ATG10: variants seen among roughly 807,000 people sequenced by gnomAD.
ATG10 encodes the protein ubiquitin-like-conjugating enzyme ATG10.
ATG10 carries 30 observed loss-of-function variants against 32.1 expected under a neutral mutation model. That is an observed-to-expected ratio of 0.94 (90% CI 0.70 to 1.27). ATG10 has a LOEUF of 1.27. ATG10 is among the 50% of genes most tolerant of loss of function. The pLI, the probability that ATG10 is intolerant of heterozygous loss-of-function variation, is 0.00. For synonymous variants in ATG10, 87 were observed against 91.5 expected, an observed-to-expected ratio of 0.95 and a Z score of 0.28; for missense variants, 233 against 262.3, an observed-to-expected ratio of 0.89 and a Z score of 0.77.
Position 82,190,827 on chromosome 5 carries a change from T to C in ATG10, c.453+12240T>C, listed in dbSNP as rs183124220. Among the ~76,000 whole-genome samples the C allele has an allele frequency of 2.6e-4, 32 of 124,778 alleles. No individual in the cohort carries two copies. In the East Asian group the frequency reaches 7.3e-3, roughly 29 times the overall value. The allele number at this position is 124,778 out of a possible 152,430, so 81.9% of individuals were successfully genotyped here. A position where few individuals can be genotyped will look rare whatever the true frequency, so the allele number is the denominator to read the frequency against. On this transcript the variant is annotated intron_variant, in intron 5 of 7. Transcript: ENST00000282185. ...AAATGGGGAGAATTCCATTGTAAGG[T>C]AAGGTCGTAATTGTTTTAACCAATT...
intron 5 of ATG10, among the ~76,000 whole-genome samples, chr5:82,187,327 A>T (rs1336347091): frequency 6.6e-6 from 1 of 151,852 alleles, no homozygotes. Context: ...CCTGGCTAAC[A>T]TGGGGAAACC....
At chr5:82,068,915 C>T (rs1236265270) in intron 3 of ATG10, among the ~76,000 whole-genome samples, 1 of 147,322 alleles carries the variant, frequency 6.8e-6, no homozygotes, top group East Asian at 1.9e-4. Context: ...TCTTTTCTGC[C>T]CCTTTGATTT....
chr5:81,983,854 C>T (rs2149661696), intron 1 of ATG10, among the ~76,000 whole-genome samples: 1 of 152,152 alleles, frequency 6.6e-6, no homozygotes, highest in African/African-American at 2.4e-5. Flanking sequence ...ACGCTCCTCA[C>T]ATCCCAGACG....
At chr5:81,985,825 C>T (rs1228445700) in intron 1 of ATG10, among the ~76,000 whole-genome samples, 2 of 152,190 alleles carry the variant, frequency 1.3e-5, no homozygotes, top group Non-Finnish European at 2.9e-5. Flanking sequence ...TGCAGTGGCG[C>T]GATCTCGGCT....
At chr5:82,162,652 C>A (rs554689984) in intron 3 of ATG10, among the ~76,000 whole-genome samples, 37 of 151,774 alleles carry the variant, frequency 2.4e-4, no homozygotes, top group African/African-American at 8.2e-4. Flanking sequence ...AAATATCTGG[C>A]AATATGGAAA....
At chr5:82,037,233 A>ATTT (rs1762953183) in intron 2 of ATG10, among the ~76,000 whole-genome samples, 3 of 53,720 alleles carry the variant, frequency 5.6e-5, no homozygotes, top group African/African-American at 1.2e-4. Context: ...GATCTCATTT[A>ATTT]CTTTTTTTTT....
At chr5:81,989,053 A>G (rs1265579782) in intron 2 of ATG10, among the ~76,000 whole-genome samples, 1 of 151,898 alleles carries the variant, frequency 6.6e-6, no homozygotes, top group Non-Finnish European at 1.5e-5. Flanking sequence ...GCTGGTCTTG[A>G]ACTCCTGACC....
intron 2 of ATG10, among the ~76,000 whole-genome samples, chr5:82,022,329 A>C (rs1581607478): frequency 6.7e-6 from 1 of 149,260 alleles, no homozygotes; most frequent in South Asian, 2.1e-4. Flanking sequence ...TAAAATGAGT[A>C]CTTTTTTTTT....
At chr5:82,219,705 G>A (rs1210984746) in intron 5 of ATG10, among the ~76,000 whole-genome samples, 3 of 152,162 alleles carry the variant, frequency 2.0e-5, no homozygotes, top group Non-Finnish European at 4.4e-5. Context: ...ACAGAGAGAA[G>A]ACTCACCTCA....
rs140911154 is a variant in ATG10, at chr5:82,135,140, C to A, written c.217-29259C>A. ...TTTCTTCTTTATTATTCTGGCTAGCCGTCCATCTATTTTGTTAATCTTTTC... is the reference window on the plus strand; with the variant it reads ...TTTCTTCTTTATTATTCTGGCTAGCAGTCCATCTATTTTGTTAATCTTTTC... On this transcript the variant is annotated intron_variant, in intron 3 of 7. Coordinates refer to ENST00000282185, the MANE Select transcript of ATG10 (RefSeq NM_031482.5). 2.5e-3 allele frequency among the ~76,000 whole-genome samples: 383 copies of A among 151,878 alleles called. 1 individual carries two copies. Among genetic ancestry groups the A allele is most frequent in the Non-Finnish European group, 3.5e-3 (237 of 67,958 alleles).
chr5:82,149,538 G>A (rs1767502902), intron 3 of ATG10, among the ~76,000 whole-genome samples: 3 of 151,758 alleles, frequency 2.0e-5, no homozygotes, highest in Non-Finnish European at 4.4e-5. Flanking sequence ...TTTTATTATA[G>A]TAAGAGGAAC....
At chr5:82,088,440 C>T (rs974449776) in intron 3 of ATG10, among the ~76,000 whole-genome samples, 16 of 151,932 alleles carry the variant, frequency 1.1e-4, no homozygotes, top group Admixed American at 6.6e-4. Context: ...TTGAAATACC[C>T]AGGTATAAAT....
At chr5:82,242,775 T>C (rs1746855957) in intron 5 of ATG10, 2 of 427,114 alleles carry the variant, frequency 4.7e-6, no homozygotes, top group South Asian at 1.7e-5. Context: ...ATTCACAGGA[T>C]TGGACAATTT....
chr5:82,220,356 G>A (rs764279589), intron 5 of ATG10, among the ~76,000 whole-genome samples: 9 of 151,702 alleles, frequency 5.9e-5, no homozygotes, highest in Non-Finnish European at 1.2e-4. Flanking sequence ...TCTGCCTCCC[G>A]GGTTCACGCC....
At chr5:82,087,812 A>T (rs1764742276) in intron 3 of ATG10, among the ~76,000 whole-genome samples, 1 of 152,144 alleles carries the variant, frequency 6.6e-6, no homozygotes, top group Admixed American at 6.6e-5. Context: ...AAGGATGATG[A>T]TAATGATATC....
chr5:82,123,675 A>G (rs1766136113), intron 3 of ATG10, among the ~76,000 whole-genome samples: 1 of 149,494 alleles, frequency 6.7e-6, no homozygotes, highest in South Asian at 2.1e-4. Flanking sequence ...TACGCCTGTA[A>G]TCCCAGCACT....
intron 3 of ATG10, among the ~76,000 whole-genome samples, chr5:82,135,401 G>A (rs1159814876): frequency 6.6e-6 from 1 of 152,142 alleles, no homozygotes; most frequent in Admixed American, 6.5e-5. Flanking sequence ...CTTTAGCTGT[G>A]TCCCAGAGAT....
At chr5:82,175,511 C>T (rs1280375443) in intron 4 of ATG10, among the ~76,000 whole-genome samples, 1 of 152,108 alleles carries the variant, frequency 6.6e-6, no homozygotes, top group Non-Finnish European at 1.5e-5. Flanking sequence ...CACAACTCTA[C>T]GAATATAACT....
At chr5:82,026,692 A>G (rs1467135257) in intron 2 of ATG10, among the ~76,000 whole-genome samples, 1 of 152,198 alleles carries the variant, frequency 6.6e-6, no homozygotes, top group Non-Finnish European at 1.5e-5. Context: ...AAATACTTTT[A>G]TTTCTAAAAA....
Sources: gnomAD v4.1 joint callset for allele counts (sites outside exome capture counted in the v4.1 genomes callset) on GRCh38, gnomAD v4.1.1 for gene constraint, MANE v1.5 for transcripts, NCBI Gene and HGNC (gene_info 2026-07-23, HGNC 2026-07-21) for gene names.